Variants in PLD1 observed in about 807,000 individuals in gnomAD.
PLD1 encodes choline phosphatase 1.
A neutral mutation model predicts 137.1 loss-of-function variants in PLD1; 112 were observed. The ratio of observed to expected loss-of-function variants is 0.82; its 90% CI spans 0.70 to 0.96. The LOEUF (loss-of-function observed/expected upper bound fraction) is 0.96, where lower values mean the gene tolerates loss of function less well. Ranked by LOEUF, PLD1 falls within the 40% of genes least tolerant of loss-of-function variation. The pLI is 0.00. For missense variants in PLD1, 1,321 were observed against 1,342.0 expected, an observed-to-expected ratio of 0.98 and a Z score of 0.24; for synonymous variants, 431 against 454.7, an observed-to-expected ratio of 0.95 and a Z score of 0.66.
intron 23 of PLD1, among the ~76,000 whole-genome samples, chr3:171,629,252 C>T (rs1734437291): frequency 1.3e-5 from 2 of 152,156 alleles, no homozygotes; most frequent in Non-Finnish European, 2.9e-5. Context: ...TGAGTGAACT[C>T]CCATTCACAA....
chr3:171,684,132 A>T (rs1714305852), intron 16 of PLD1, among the ~76,000 whole-genome samples: 1 of 152,168 alleles, frequency 6.6e-6, no homozygotes, highest in African/African-American at 2.4e-5. Flanking sequence ...GTCTCAGATC[A>T]CCACTGTGGA....
At chr3:171,750,145 G>T (rs924461650) in intron 1 of PLD1, among the ~76,000 whole-genome samples, 2 of 152,170 alleles carry the variant, frequency 1.3e-5, no homozygotes, top group Non-Finnish European at 2.9e-5. Flanking sequence ...AGCTGAGAAG[G>T]ATTATTTAAA....
Position 171,620,407 on chromosome 3 carries a change from CA to C in PLD1, c.2706del (p.Asp903MetfsTer12). 1 of 1,596,956 alleles carries C rather than the reference CA, an allele frequency of 6.3e-7. No homozygotes were observed. Among genetic ancestry groups the C allele is most frequent in the Non-Finnish European group, 8.6e-7 (1 of 1,167,770 alleles). On this transcript the variant is annotated frameshift_variant, in exon 24 of 27. Transcript: ENST00000351298. LOFTEE classifies it high-confidence loss of function. ...TTACCAATAATAACAGTGTTATCATCAGCAATTAACAACTTGCTGTGGACAT... is the reference window on the plus strand; with the variant it reads ...TTACCAATAATAACAGTGTTATCATCGCAATTAACAACTTGCTGTGGACAT... ...LIYVHSKLLI[A>X]DDNTVIIGSA...
At chr3:171,799,851 C>T (rs866767268) in intron 1 of PLD1, among the ~76,000 whole-genome samples, 1 of 152,124 alleles carries the variant, frequency 6.6e-6, no homozygotes, top group Admixed American at 6.5e-5. Context: ...AAAATCCCAA[C>T]TGAGGGACAT....
chr3:171,776,023 C>T (rs1722579930), intron 1 of PLD1, among the ~76,000 whole-genome samples: 1 of 152,176 alleles, frequency 6.6e-6, no homozygotes, highest in South Asian at 2.1e-4. Flanking sequence ...TACCACGTGA[C>T]TCCACACCCT....
chr3:171,604,702 T>C (rs1260529258), intron 26 of PLD1, among the ~76,000 whole-genome samples: 1 of 152,246 alleles, frequency 6.6e-6, no homozygotes, highest in South Asian at 2.1e-4. Context: ...GAGCCGGTTT[T>C]AAAACACCTT....
intron 23 of PLD1, among the ~76,000 whole-genome samples, chr3:171,629,656 A>G (rs1734483798): frequency 6.6e-6 from 1 of 152,004 alleles, no homozygotes; most frequent in Admixed American, 6.5e-5. Flanking sequence ...TACTGGTACC[A>G]AAACAGAGAT....
chr3:171,778,485 G>A (rs1367802894), intron 1 of PLD1, among the ~76,000 whole-genome samples: 1 of 152,206 alleles, frequency 6.6e-6, no homozygotes, highest in Non-Finnish European at 1.5e-5. Flanking sequence ...GAGAGAGATG[G>A]CATAAGTGGC....
At chr3:171,785,212 C>T (rs1722960115) in intron 1 of PLD1, among the ~76,000 whole-genome samples, 1 of 152,206 alleles carries the variant, frequency 6.6e-6, no homozygotes, top group South Asian at 2.1e-4. Context: ...TACCTCTATT[C>T]TGTTCTCTAT....
chr3:171,617,025 A>G (rs1733170832), intron 24 of PLD1, among the ~76,000 whole-genome samples: 1 of 152,160 alleles, frequency 6.6e-6, no homozygotes, highest in Non-Finnish European at 1.5e-5. Context: ...ACATATGAGC[A>G]TTACCTAGGA....
chr3:171,603,431 C>A, intron 26 of PLD1, 129 bp from the exon 27 acceptor site: 1 of 648,184 alleles, frequency 1.5e-6, no homozygotes, highest in Non-Finnish European at 2.7e-6. Context: ...TATGTTACAG[C>A]ACAGACCTGA....
intron 23 of PLD1, among the ~76,000 whole-genome samples, chr3:171,624,072 G>A (rs569487578): frequency 6.1e-5 from 9 of 148,266 alleles, no homozygotes; most frequent in East Asian, 2.0e-4. Flanking sequence ...CACAAAACAC[G>A]ACAAGCAAAA....
chr3:171,724,304 A>T (rs1177499671), intron 8 of PLD1, among the ~76,000 whole-genome samples: 1 of 152,054 alleles, frequency 6.6e-6, no homozygotes. Flanking sequence ...CACCCTCACC[A>T]CCATTTGTTA....
chr3:171,711,817 TAAAAAAA>T (rs36106956), intron 9 of PLD1, among the ~76,000 whole-genome samples: 9 of 99,164 alleles, frequency 9.1e-5, no homozygotes, highest in East Asian at 3.0e-4. Context: ...TTATAAATGC[TAAAAAAA>T]AAAAAAAAAA....
rs376804256 is a variant in PLD1 at position 171,713,963 on chromosome 3, C to A, written c.841G>T (p.Glu281Ter). The change falls in exon 9 of 27, where the codon GAA (glutamate) becomes TAA (stop). Residue 281 changes from glutamate to a stop codon, truncating the protein, a stop_gained. Coordinates refer to ENST00000351298, the MANE Select transcript of PLD1 (RefSeq NM_002662.5). LOFTEE classifies it high-confidence loss of function. ...AIAFVLLVDK[E>*]FKIKVGKKET... Reference sequence around the variant, plus strand: ...TTCTTCCCCACCTTAATTTTGAATTCTTTGTCTACCAGCAGGACGAAGGCA... The same window carrying A: ...TTCTTCCCCACCTTAATTTTGAATTATTTGTCTACCAGCAGGACGAAGGCA... The A allele has an allele frequency of 6.2e-7, 1 of 1,612,278 alleles. No individual in the cohort carries two copies. Among genetic ancestry groups the A allele is most frequent in the South Asian group, 1.1e-5 (1 of 91,028 alleles).
chr3:171,705,858 T>C (rs192710942), intron 11 of PLD1, among the ~76,000 whole-genome samples: 10 of 152,118 alleles, frequency 6.6e-5, no homozygotes, highest in African/African-American at 2.4e-4. Flanking sequence ...AAACTATAGC[T>C]CACAAGCCAA....
chr3:171,764,949 A>G (rs1001695975), intron 1 of PLD1, among the ~76,000 whole-genome samples: 2,994 of 35,488 alleles, frequency 0.084, 545 homozygotes, highest in Admixed American at 0.15. Context: ...AAAGAAAGAA[A>G]GAAAGAAAGA....
At chr3:171,709,526 C>T (rs1296915031) in intron 10 of PLD1, 34 bp downstream of exon 10, 1 of 1,598,064 alleles carries the variant, frequency 6.3e-7, no homozygotes, top group Non-Finnish European at 8.6e-7. Flanking sequence ...GATGCTATGA[C>T]TGCCTTGACA....
chr3:171,726,787 G>A (rs1366464411), intron 6 of PLD1, among the ~76,000 whole-genome samples: 1 of 152,168 alleles, frequency 6.6e-6, no homozygotes, highest in East Asian at 1.9e-4. Context: ...ATGAGTTGGT[G>A]TTATGCTAAC....
Sources: gnomAD v4.1 joint callset for allele counts (sites outside exome capture counted in the v4.1 genomes callset) on GRCh38, gnomAD v4.1.1 for gene constraint, MANE v1.5 for transcripts, NCBI Gene and HGNC (gene_info 2026-07-23, HGNC 2026-07-21) for gene names.